Variants in DAB2IP observed in about 807,000 individuals in gnomAD.
DAB2IP encodes DAB2 interacting protein.
A neutral mutation model predicts 107.2 loss-of-function variants in DAB2IP; 28 were observed. The ratio of observed to expected loss-of-function variants is 0.26; its 90% CI spans 0.19 to 0.36. DAB2IP has a LOEUF of 0.36. Ranked by LOEUF, DAB2IP falls within the 10% of genes least tolerant of loss-of-function variation. The pLI, the probability that DAB2IP is intolerant of heterozygous loss-of-function variation, is 1.00. For synonymous variants in DAB2IP, 755 were observed against 706.4 expected (o/e 1.07, Z -1.09); for missense variants, 1,400 against 1,644.7 (o/e 0.85, Z 2.57).
chr9:121,757,038 G>A, exon 4 of DAB2IP: 1 of 1,614,192 alleles, frequency 6.2e-7, no homozygotes, highest in Non-Finnish European at 8.5e-7. Context: ...GAGGCTGAAG[G>A]AGTCTCGCTC....
At chr9:121,711,751 G>A (rs539509831) in intron 3 of DAB2IP, among the ~76,000 whole-genome samples, 3 of 152,336 alleles carry the variant, frequency 2.0e-5, no homozygotes, top group African/African-American at 7.2e-5. Flanking sequence ...CCTCAAAGCA[G>A]CTACCAGCTC....
chr9:121,674,176 G>A (rs906048155), intron 1 of DAB2IP, among the ~76,000 whole-genome samples: 3 of 152,190 alleles, frequency 2.0e-5, no homozygotes, highest in Non-Finnish European at 4.4e-5. Context: ...GACCTTCCGT[G>A]GAGGAGGCAG....
chr9:121,782,380 C>G lies in DAB2IP; in HGVS notation c.3452C>G (p.Ala1151Gly). ...GCCGCCAATGCCCGCCTCATGAGTG[C>G]CCTGACCCAGCTGAAAGAGAGGTAC... Residue 1151 changes from alanine (A) to glycine (G), a missense_variant, in exon 16 of 16, where the codon GCC (alanine) becomes GGC (glycine). Physicochemically the swap from Ala to Gly is moderately conservative, Grantham distance 60 (BLOSUM62 0). Transcript: ENST00000408936. The surrounding 1 kb of genome is among the most constrained non-coding windows in gnomAD (Gnocchi z 6.1). The G allele has an allele frequency of 3.7e-6, 6 of 1,614,094 alleles. No individual in the cohort carries two copies. Among genetic ancestry groups the G allele is most frequent in the Non-Finnish European group, 5.1e-6 (6 of 1,179,968 alleles).
intron 1 of DAB2IP, among the ~76,000 whole-genome samples, chr9:121,603,909 C>T (rs1053607248): frequency 6.6e-6 from 1 of 151,938 alleles, no homozygotes; most frequent in Non-Finnish European, 1.5e-5. Context: ...GCAGAGTGCT[C>T]CATGGGAATT....
intron 3 of DAB2IP, among the ~76,000 whole-genome samples, chr9:121,728,008 A>G (rs1040513610): frequency 6.6e-6 from 1 of 152,148 alleles, no homozygotes; most frequent in Non-Finnish European, 1.5e-5. Context: ...AACATTTCAT[A>G]AGCACCTGTT....
At chr9:121,593,346 T>C (rs954180882) in intron 1 of DAB2IP, among the ~76,000 whole-genome samples, 1 of 152,136 alleles carries the variant, frequency 6.6e-6, no homozygotes, top group African/African-American at 2.4e-5. Context: ...TGACTCACTA[T>C]AGCCTTGACC....
intron 3 of DAB2IP, among the ~76,000 whole-genome samples, chr9:121,752,334 C>T (rs568832732): frequency 5.4e-5 from 8 of 149,286 alleles, no homozygotes; most frequent in South Asian, 4.1e-4. Flanking sequence ...ACTGACCTCC[C>T]GTTCCCTCTG....
intron 2 of DAB2IP, among the ~76,000 whole-genome samples, chr9:121,694,839 G>A (rs1214373028): frequency 6.6e-6 from 1 of 152,148 alleles, no homozygotes; most frequent in African/African-American, 2.4e-5. Context: ...CTGGGGGGGT[G>A]GCACCAGGCA....
At chr9:121,707,300 G>T (rs1198294937) in intron 3 of DAB2IP, among the ~76,000 whole-genome samples, 2 of 152,238 alleles carry the variant, frequency 1.3e-5, no homozygotes, top group Non-Finnish European at 2.9e-5. Context: ...GCAAAAGGCA[G>T]CCTGAGAAGG....
At chr9:121,750,308 C>T (rs2118930420) in intron 3 of DAB2IP, among the ~76,000 whole-genome samples, 1 of 152,276 alleles carries the variant, frequency 6.6e-6, no homozygotes, top group Admixed American at 6.5e-5. Context: ...ATTTCTGTAG[C>T]ATTCACTTGT....
intron 3 of DAB2IP, among the ~76,000 whole-genome samples, chr9:121,746,523 A>T (rs1292366334): frequency 6.6e-6 from 1 of 152,146 alleles, no homozygotes; most frequent in African/African-American, 2.4e-5. Context: ...GCCCTCAAGG[A>T]TGAGGGAAGG....
chr9:121,614,481 C>T (rs1162113813), intron 1 of DAB2IP, among the ~76,000 whole-genome samples: 5 of 149,564 alleles, frequency 3.3e-5, no homozygotes, highest in Non-Finnish European at 5.9e-5. Context: ...GCTGGGATTA[C>T]AGGCATGTGC....
intron 1 of DAB2IP, among the ~76,000 whole-genome samples, chr9:121,580,434 T>C (rs1158124028): frequency 6.6e-6 from 1 of 152,088 alleles, no homozygotes; most frequent in African/African-American, 2.4e-5. Context: ...ATTCTAGCAC[T>C]TTTGAGAGGC....
chr9:121,675,524 C>T (rs748503316), intron 1 of DAB2IP, among the ~76,000 whole-genome samples: 8 of 152,138 alleles, frequency 5.3e-5, no homozygotes, highest in Non-Finnish European at 7.4e-5. Context: ...TGGCTGAACC[C>T]GGGGGTCTGC....
At chr9:121,722,975 G>A (rs1831025549) in intron 3 of DAB2IP, among the ~76,000 whole-genome samples, 2 of 152,180 alleles carry the variant, frequency 1.3e-5, no homozygotes, top group Admixed American at 1.3e-4. Flanking sequence ...ACTTTTTTCT[G>A]TGGCCAATGA....
chr9:121,720,384 C>G (rs900882158), intron 3 of DAB2IP, among the ~76,000 whole-genome samples: 1 of 152,186 alleles, frequency 6.6e-6, no homozygotes, highest in Non-Finnish European at 1.5e-5. Context: ...TACTGCGTGC[C>G]GGGTGCTGTG....
At position 121,651,808 on chromosome 9, in the gene DAB2IP, CG is replaced by C; in HGVS notation, c.36del (p.Arg13GlyfsTer9). On this transcript the variant is annotated frameshift_variant, in exon 1 of 16. Transcript: ENST00000408936. LOFTEE classifies it high-confidence loss of function. The surrounding 1 kb of genome is among the most constrained non-coding windows in gnomAD (Gnocchi z 5.1). ...CGGGCGGCAGCGCCAGGAAGAGCAC[CG>C]GGAGGTCCTCCTACTACTACCGGCT... 6.8e-7 allele frequency: 1 copy of C among 1,461,278 alleles called. No homozygotes were observed. The allele number at this position is 1,461,278 out of a possible 1,614,324, so 90.5% of individuals were successfully genotyped here.
intron 1 of DAB2IP, among the ~76,000 whole-genome samples, chr9:121,568,703 G>C (rs1829863275): frequency 2.0e-5 from 3 of 152,158 alleles, no homozygotes; most frequent in African/African-American, 7.2e-5. Flanking sequence ...GGATGCGTAT[G>C]GACTCATTGG....
chr9:121,783,193 T>G, exon 16 of DAB2IP: 1 of 1,138,388 alleles, frequency 8.8e-7, no homozygotes, highest in Admixed American at 3.9e-5. Flanking sequence ...CTTAGTTGTA[T>G]TGCCAGATAG....
Sources: gnomAD v4.1 joint callset for allele counts (sites outside exome capture counted in the v4.1 genomes callset) on GRCh38, gnomAD v4.1.1 for gene constraint, Gnocchi (gnomAD v3.1) non-coding constraint, MANE v1.5 for transcripts, NCBI Gene and HGNC (gene_info 2026-07-23, HGNC 2026-07-21) for gene names.